Variants in TRERF1 observed in about 807,000 individuals in gnomAD.
TRERF1 encodes the protein transcriptional-regulating factor 1.
Under a neutral mutation model 122.9 loss-of-function variants are expected in TRERF1, and 27 were observed. The observed-to-expected ratio is 0.22, with a 90% CI of 0.16 to 0.30. TRERF1 has a LOEUF of 0.30. TRERF1 is among the 10% of genes least tolerant of loss of function. The pLI is 1.00. For synonymous variants in TRERF1, 636 were observed against 641.7 expected, an observed-to-expected ratio of 0.99 and a Z score of 0.13; for missense variants, 1,248 against 1,560.3, an observed-to-expected ratio of 0.80 and a Z score of 3.37.
At chr6:42,435,702 G>A (rs148844573) in intron 2 of TRERF1, among the ~76,000 whole-genome samples, 5 of 151,984 alleles carry the variant, frequency 3.3e-5, no homozygotes, top group East Asian at 1.9e-4. Context: ...GAGGCCGGGC[G>A]CAGTGGCTCA....
At chr6:42,359,829 TATAAGAAC>T (rs1421751028) in intron 3 of TRERF1, among the ~76,000 whole-genome samples, 3 of 152,174 alleles carry the variant, frequency 2.0e-5, no homozygotes, top group Non-Finnish European at 4.4e-5. Context: ...CAACTAAGAA[TATAAGAAC>T]ATATTGCCAT....
intron 2 of TRERF1, among the ~76,000 whole-genome samples, chr6:42,364,579 C>T (rs559893630): frequency 6.6e-6 from 1 of 152,262 alleles, no homozygotes; most frequent in Admixed American, 6.5e-5. Flanking sequence ...GGAAGCTGTC[C>T]AGTGTCAAAA....
chr6:42,407,303 C>G (rs1194331790), intron 2 of TRERF1, among the ~76,000 whole-genome samples: 1 of 152,240 alleles, frequency 6.6e-6, no homozygotes, highest in East Asian at 1.9e-4. Flanking sequence ...GGGCTGCAGT[C>G]TCTTTTCACC....
chr6:42,414,134 A>C (rs1245786179), intron 2 of TRERF1, among the ~76,000 whole-genome samples: 1 of 152,230 alleles, frequency 6.6e-6, no homozygotes, highest in Non-Finnish European at 1.5e-5. Flanking sequence ...ACCCAAATGA[A>C]AGCAAAAGGA....
chr6:42,433,313 T>C (rs1279311468), intron 2 of TRERF1, among the ~76,000 whole-genome samples: 1 of 151,808 alleles, frequency 6.6e-6, no homozygotes, highest in Non-Finnish European at 1.5e-5. Context: ...GAAAAAAAAG[T>C]GAACCCCAAA....
In TRERF1 at chr6:42,268,117, C is replaced by T. The variant is rs768220214; in HGVS notation, c.1437+37G>A. ...CAGACTCAGCCCTGACCCTGTAGCA[C>T]ACTGGGTATTGAGAGAAACTTCCAA... On this transcript the variant is annotated intron_variant, in intron 5 of 17. Transcript: ENST00000372922. This position sits in a 1 kb window ranked among gnomAD's most constrained non-coding sequence, Gnocchi z 4.4. 1.9e-5 allele frequency: 27 copies of T among 1,426,360 alleles called. No homozygotes were observed. Among genetic ancestry groups the T allele is most frequent in the Non-Finnish European group, 2.4e-5 (26 of 1,087,568 alleles). The allele number at this position is 1,426,360 out of a possible 1,614,324, so 88.4% of individuals were successfully genotyped here.
At chr6:42,349,915 C>T (rs1581726404) in intron 3 of TRERF1, among the ~76,000 whole-genome samples, 1 of 152,132 alleles carries the variant, frequency 6.6e-6, no homozygotes, top group East Asian at 1.9e-4. Context: ...TGCTGAAAAT[C>T]TAATTTGGGA....
intron 3 of TRERF1, among the ~76,000 whole-genome samples, chr6:42,315,393 C>T (rs1762301696): frequency 6.6e-6 from 1 of 152,224 alleles, no homozygotes; most frequent in African/African-American, 2.4e-5. Flanking sequence ...CACAGAAGCA[C>T]ATGCCAAGGA....
Position 42,269,448 on chromosome 6 carries a change from G to A in TRERF1, c.143C>T (p.Pro48Leu), listed in dbSNP as rs1374649923. Residue 48 changes from proline (P) to leucine (L), a missense_variant, in exon 5 of 18, where the codon CCT becomes CTT. Physicochemically the swap from Pro to Leu is moderately conservative, Grantham distance 98. Around this residue, in one of 5 missense-constraint regions of TRERF1, gnomAD observed 946 missense variants for 1,073.0 expected, o/e 0.88. Coordinates refer to ENST00000372922, the Ensembl canonical transcript of TRERF1. This position sits in a 1 kb window ranked among gnomAD's most constrained non-coding sequence, Gnocchi z 4.9. Reference sequence around the variant, plus strand: ...GTGGGGGGAGATTGGCGAGGCCTGAGGGGCATCCATTCCGCCCCCTGTAAC... The same window carrying A: ...GTGGGGGGAGATTGGCGAGGCCTGAAGGGCATCCATTCCGCCCCCTGTAAC... 6.2e-7 allele frequency: 1 copy of A among 1,614,206 alleles called. No homozygotes were observed. Among genetic ancestry groups the A allele is most frequent in the Admixed American group, 1.7e-5 (1 of 60,026 alleles).
At chr6:42,438,937 C>A (rs1339153073) in intron 2 of TRERF1, among the ~76,000 whole-genome samples, 2 of 152,108 alleles carry the variant, frequency 1.3e-5, no homozygotes, top group Non-Finnish European at 2.9e-5. Context: ...GGAAGGAGGG[C>A]AGCCCACCAA....
rs139517363 is a variant in TRERF1, at chr6:42,268,775, C to T, written c.816G>A (p.Pro272=). The T allele has an allele frequency of 2.6e-5, 42 of 1,614,114 alleles. No individual in the cohort carries two copies. Among genetic ancestry groups the T allele is most frequent in the African/African-American group, 1.6e-4 (12 of 75,010 alleles). Residue 272 remains proline, a synonymous_variant, in exon 5 of 18, where the codon CCG becomes CCA. Transcript: ENST00000372922. This position sits in a 1 kb window ranked among gnomAD's most constrained non-coding sequence, Gnocchi z 4.4. The stretch of plus-strand genomic sequence containing the variant: ...GTTGCCCGGCTTGCTGCTGTTGCTG[C>T]GGTGGGTAATACTGGTGCTGCTGCA...
chr6:42,335,133 A>G (rs1383574536), intron 3 of TRERF1, among the ~76,000 whole-genome samples: 1 of 152,226 alleles, frequency 6.6e-6, no homozygotes, highest in Non-Finnish European at 1.5e-5. Context: ...GGAGAGTAAA[A>G]CAGAGAAAAA....
chr6:42,289,809 C>T (rs1249685780), intron 4 of TRERF1, among the ~76,000 whole-genome samples: 2 of 152,128 alleles, frequency 1.3e-5, no homozygotes, highest in African/African-American at 4.8e-5. Flanking sequence ...TGAATGAGGA[C>T]ATGGGGCAAC....
At position 42,296,521 on chromosome 6, in the gene TRERF1, A is replaced by G. The variant is rs1785138572; in HGVS notation, c.-259+4117T>C. On this transcript the variant is annotated intron_variant, in intron 4 of 17. Coordinates refer to ENST00000372922, the Ensembl canonical transcript of TRERF1. ...ATTAAGTCCTTGAATAGCTCTATCC[A>G]CTGTCCCCATGTGACCAATGAAGAA... Among the ~76,000 whole-genome samples the G allele has an allele frequency of 2.6e-5, 4 of 152,268 alleles. No individual in the cohort carries two copies. In the South Asian group the frequency reaches 8.3e-4, roughly 32 times the overall value.
chr6:42,288,574 C>CAAAAAAAAAAAAAAAAAAA (rs3074797), intron 4 of TRERF1, among the ~76,000 whole-genome samples: 1 of 86,548 alleles, frequency 1.2e-5, no homozygotes, highest in African/African-American at 4.9e-5. Context: ...ATCTCAAAAC[C>CAAAAAAAAAAAAAAAAAAA]AAAAAAAAAA....
intron 4 of TRERF1, among the ~76,000 whole-genome samples, chr6:42,280,378 G>C (rs1412325802): frequency 6.6e-6 from 1 of 152,176 alleles, no homozygotes; most frequent in Non-Finnish European, 1.5e-5. Flanking sequence ...GGGATGGTGA[G>C]CCTCACTCAG....
intron 13 of TRERF1, among the ~76,000 whole-genome samples, chr6:42,248,286 C>T (rs1218304791): frequency 6.6e-6 from 1 of 152,148 alleles, no homozygotes; most frequent in East Asian, 1.9e-4. Context: ...CTCTCCACAG[C>T]TGGGCGGGGT....
At chr6:42,389,321 C>T (rs955003445) in intron 2 of TRERF1, among the ~76,000 whole-genome samples, 2 of 152,186 alleles carry the variant, frequency 1.3e-5, no homozygotes, top group African/African-American at 2.4e-5. Context: ...AAAGCTGGCC[C>T]TAGAGAGACA....
At chr6:42,234,566 C>A (rs1455082348) in intron 16 of TRERF1, among the ~76,000 whole-genome samples, 2 of 152,082 alleles carry the variant, frequency 1.3e-5, no homozygotes, top group African/African-American at 2.4e-5. Flanking sequence ...TGGTCTTGAT[C>A]TCTTGACCTT....
Sources: allele counts gnomAD v4.1 joint callset (sites outside exome capture counted in the v4.1 genomes callset), GRCh38; gene constraint gnomAD v4.1.1; regional missense constraint gnomAD v4.1.1; non-coding constraint Gnocchi (gnomAD v3.1); transcripts MANE v1.5; gene names NCBI Gene and HGNC (gene_info 2026-07-23, HGNC 2026-07-21).